Variants in ARHGEF16 observed in about 807,000 individuals in gnomAD.
ARHGEF16 encodes Rho guanine exchange factor (GEF) 16.
Under a neutral mutation model 74.1 loss-of-function variants are expected in ARHGEF16, and 59 were observed. The ratio of observed to expected loss-of-function variants is 0.80; its 90% CI spans 0.65 to 0.99. The LOEUF (loss-of-function observed/expected upper bound fraction) is 0.99. Ranked by LOEUF, ARHGEF16 falls within the 50% of genes least tolerant of loss-of-function variation. ARHGEF16 has a pLI of 0.00. For missense variants in ARHGEF16, 948 were observed against 986.6 expected, an observed-to-expected ratio of 0.96 and a Z score of 0.52; for synonymous variants, 415 against 412.6, an observed-to-expected ratio of 1.01 and a Z score of -0.07.
chr1:3,463,262 C>A lies in ARHGEF16; in HGVS notation c.178C>A (p.Pro60Thr). ...GCCCCAGGTCCCGGCACCCCCACAGCCTCGGCCCCCGGGGCACGAGGAGCC... is the reference window on the plus strand; with the variant it reads ...GCCCCAGGTCCCGGCACCCCCACAGACTCGGCCCCCGGGGCACGAGGAGCC... Reference protein sequence around the residue: ...FQPQVPAPPQPRPPGHEEPWP... With the variant: ...FQPQVPAPPQTRPPGHEEPWP... The change falls in exon 2 of 15, where the codon CCT becomes ACT. Residue 60 changes from proline to threonine, a missense_variant. Coordinates refer to ENST00000378378, the MANE Select transcript of ARHGEF16 (RefSeq NM_014448.4). The A allele has an allele frequency of 1.3e-6, 2 of 1,549,620 alleles. No individual in the cohort carries two copies. The highest frequency in any genetic ancestry group is 1.7e-6 in the Non-Finnish European group (2 of 1,146,538).
At chr1:3,478,742 T>C (rs1569883160) in intron 12 of ARHGEF16, 130 bp downstream of exon 12, 1 of 1,074,816 alleles carries the variant, frequency 9.3e-7, no homozygotes, top group East Asian at 2.6e-5. Flanking sequence ...CTGGCCCTGC[T>C]GTAGGTGCTG....
intron 14 of ARHGEF16, 112 bp from the exon 15 acceptor site, chr1:3,480,336 T>C (rs1359910908): frequency 6.9e-7 from 1 of 1,439,816 alleles, no homozygotes; most frequent in East Asian, 2.3e-5. Context: ...CAGGAGCAGG[T>C]GGTCAGTTCT....
At chr1:3,459,521 G>GC (rs1348801789) in intron 1 of ARHGEF16, among the ~76,000 whole-genome samples, 1 of 152,180 alleles carries the variant, frequency 6.6e-6, no homozygotes, top group African/African-American at 2.4e-5. Context: ...GGCAATGAGG[G>GC]CCGGGAGCAG....
At chr1:3,463,696 G>A (rs768768542) in intron 2 of ARHGEF16, 24 bp downstream of exon 2, 212 of 1,378,376 alleles carry the variant, frequency 1.5e-4, no homozygotes, top group Middle Eastern at 1.9e-4. Context: ...CGTGTGGACC[G>A]TGGGGAGGGG....
chr1:3,460,560 G>A lies in ARHGEF16; in HGVS notation c.-19-2506G>A, dbSNP rs74050509. ...TCATCACATTTAGAATAAAAGGACC[G>A]CAGGGCCGTAGACCGCCTACGCTGG... On this transcript the variant is annotated intron_variant, in intron 1 of 14. Coordinates refer to ENST00000378378, the MANE Select transcript of ARHGEF16 (RefSeq NM_014448.4). 9.9e-3 allele frequency among the ~76,000 whole-genome samples: 1,514 copies of A among 152,322 alleles called. 22 individuals are homozygous for A. The highest frequency in any genetic ancestry group is 0.035 in the African/African-American group (1,434 of 41,562).
intron 1 of ARHGEF16, among the ~76,000 whole-genome samples, chr1:3,460,081 G>C (rs1045808854): frequency 6.6e-6 from 1 of 152,344 alleles, no homozygotes; most frequent in East Asian, 1.9e-4. Context: ...AGAAGGCAAC[G>C]GGTGCCTGCC....
intron 6 of ARHGEF16, among the ~76,000 whole-genome samples, chr1:3,472,569 G>A (rs905610433): frequency 3.3e-5 from 5 of 152,242 alleles, no homozygotes; most frequent in Non-Finnish European, 5.9e-5. Flanking sequence ...CTTGGAAGGG[G>A]TGGCCCCAGG....
intron 1 of ARHGEF16, among the ~76,000 whole-genome samples, chr1:3,456,227 G>A (rs1479108113): frequency 6.6e-6 from 1 of 152,222 alleles, no homozygotes; most frequent in Admixed American, 6.5e-5. Context: ...CTACACATGA[G>A]GAAACTGAGG....
chr1:3,480,029 C>A (rs548607229), intron 14 of ARHGEF16, 116 bp downstream of exon 14: 2 of 1,017,390 alleles, frequency 2.0e-6, no homozygotes, highest in Non-Finnish European at 2.9e-6. Flanking sequence ...TGTGCTCACC[C>A]TCTCTCGAGG....
At chr1:3,470,653 G>C (rs867293729) in intron 6 of ARHGEF16, among the ~76,000 whole-genome samples, 1 of 149,350 alleles carries the variant, frequency 6.7e-6, no homozygotes, top group African/African-American at 2.5e-5. Flanking sequence ...GTATCTGCGT[G>C]GTCAGGGATG....
At position 3,474,918 on chromosome 1, in the gene ARHGEF16, C is replaced by G. The variant is rs574861342; in HGVS notation, c.1380+136C>G. ...CAGCGAGTGTTCTCAGATTATCCAT[C>G]CCAAGCCTTTCACAGCGCTGACAGG... On this transcript the variant is annotated intron_variant, in intron 9 of 14. Coordinates refer to ENST00000378378, the MANE Select transcript of ARHGEF16 (RefSeq NM_014448.4). 6.4e-5 allele frequency: 46 copies of G among 722,042 alleles called. No individual in the cohort carries two copies. In the South Asian group the frequency reaches 7.1e-4, roughly 11 times the overall value. 44.7% of individuals were successfully genotyped at this position (722,042 alleles called of 1,614,324 possible). A position where few individuals can be genotyped will look rare whatever the true frequency, so the allele number is the denominator to read the frequency against.
At chr1:3,467,637 C>T (rs879586610) in intron 4 of ARHGEF16, among the ~76,000 whole-genome samples, 2 of 152,198 alleles carry the variant, frequency 1.3e-5, no homozygotes, top group South Asian at 2.1e-4. Context: ...CCAGGGCCCC[C>T]GCCCCAGGAG....
chr1:3,478,560 C>A lies in ARHGEF16; in HGVS notation c.1762C>A (p.Leu588Ile). The A allele has an allele frequency of 6.2e-7, 1 of 1,612,604 alleles. No homozygotes were observed. The highest frequency in any genetic ancestry group is 1.1e-5 in the South Asian group (1 of 91,066). Residue 588 changes from leucine (L) to isoleucine (I), a missense_variant, in exon 12 of 15, where the codon CTT (leucine) becomes ATT (isoleucine). By Grantham distance (5) the Leu-to-Ile change is conservative. Transcript: ENST00000378378. ...SVPHPFQVTL[L>I]RNSEGRQEQL... is the part of the protein sequence containing the mutation. ...GCCCCACCCCTTCCAGGTGACCCTG[C>A]TTCGCAACAGCGAGGGCCGCCAGGA...
At position 3,480,765 on chromosome 1, in the gene ARHGEF16, T is replaced by A; in HGVS notation, c.*178T>A. 3 of 905,122 alleles carry A rather than the reference T, an allele frequency of 3.3e-6. No individual in the cohort carries two copies. In the South Asian group the frequency reaches 5.4e-5, roughly 16 times the overall value. 56.1% of individuals were successfully genotyped at this position (905,122 alleles called of 1,614,324 possible). A position where few individuals can be genotyped will look rare whatever the true frequency, so the allele number is the denominator to read the frequency against. On this transcript the variant is annotated 3_prime_UTR_variant, in exon 15 of 15. Transcript: ENST00000378378. ...CACTTCACGGAAGGAAGATCACATG[T>A]CCCCAGAGAGGCACCCCCAGGCAAG...
intron 4 of ARHGEF16, among the ~76,000 whole-genome samples, chr1:3,468,334 C>T (rs1176440922): frequency 6.6e-6 from 1 of 152,228 alleles, no homozygotes; most frequent in African/African-American, 2.4e-5. Context: ...GAGGGGACCC[C>T]TGGGCGGTGT....
rs1040303601 is a variant in ARHGEF16, at chr1:3,469,067, G to A, written c.861+131G>A. 20 of 1,146,294 alleles carry A rather than the reference G, an allele frequency of 1.7e-5. No individual in the cohort carries two copies. In the East Asian group the frequency reaches 2.8e-4, roughly 16 times the overall value. The allele number at this position is 1,146,294 out of a possible 1,614,324, so 71.0% of individuals were successfully genotyped here. ...CACCTCCAGTGCCAGGCCCTGTCAC[G>A]CTGACCAGCGCCTCACACAGCCCCG... On this transcript the variant is annotated intron_variant, in intron 5 of 14. Transcript: ENST00000378378.
rs114181764 is a variant in ARHGEF16, at chr1:3,473,347, A to C, written c.1176-46A>C. ...TGCAGGTCCTGCCTGATTTTGGTAC[A>C]GGCTGGCCATGCAGAGCCTGGAAGG... is the stretch of plus-strand genomic sequence containing the variant. On this transcript the variant is annotated intron_variant, in intron 7 of 14. Transcript: ENST00000378378. 6.8e-4 allele frequency: 1,077 copies of C among 1,580,344 alleles called. 5 individuals are homozygous for C. In the African/African-American group the frequency reaches 0.013, roughly 19 times the overall value.
rs769665390 is a variant in ARHGEF16, at chr1:3,480,567, C to T, written c.2110C>T (p.Arg704Trp). The T allele has an allele frequency of 1.5e-5, 24 of 1,608,452 alleles. No individual in the cohort carries two copies. The highest frequency in any genetic ancestry group is 1.9e-5 in the Non-Finnish European group (23 of 1,179,778). Residue 704 changes from arginine (R) to tryptophan (W), a missense_variant, in exon 15 of 15, where the codon CGG (arginine) becomes TGG (tryptophan). Transcript: ENST00000378378. Reference protein sequence around the residue: ...EGNVRRMERLRVETDV With the variant: ...EGNVRRMERLWVETDV Reference sequence around the variant, plus strand: ...CAATGTCCGCAGGATGGAGCGTCTGCGGGTGGAGACGGACGTGTAGCCCTG... The same window carrying T: ...CAATGTCCGCAGGATGGAGCGTCTGTGGGTGGAGACGGACGTGTAGCCCTG...
chr1:3,469,361 T>C, intron 5 of ARHGEF16, 72 bp from the exon 6 acceptor site: 1 of 1,564,988 alleles, frequency 6.4e-7, no homozygotes, highest in Non-Finnish European at 8.7e-7. Context: ...GTCCTCCTGT[T>C]CCAAGCATTG....
Sources: gnomAD v4.1 joint callset for allele counts (sites outside exome capture counted in the v4.1 genomes callset) on GRCh38, gnomAD v4.1.1 for gene constraint, MANE v1.5 for transcripts, NCBI Gene and HGNC (gene_info 2026-07-23, HGNC 2026-07-21) for gene names.